The following ZNF385D variants were observed in gnomAD, a reference collection of about 807,000 sequenced individuals.
The protein encoded by ZNF385D is zinc finger protein 385D.
Under a neutral mutation model 35.8 loss-of-function variants are expected in ZNF385D, and 15 were observed. That is an observed-to-expected ratio of 0.42 (90% CI 0.28 to 0.64). ZNF385D has a LOEUF of 0.64. Ranked by LOEUF, ZNF385D falls within the 30% of genes least tolerant of loss-of-function variation. ZNF385D has a pLI of 0.23. For missense variants in ZNF385D, 474 were observed against 494.6 expected (o/e 0.96, Z 0.39); for synonymous variants, 212 against 186.8 (o/e 1.13, Z -1.10).
chr3:21,769,685 C>T (rs1320992152), intron 3 of ZNF385D, among the ~76,000 whole-genome samples: 2 of 127,826 alleles, frequency 1.6e-5, no homozygotes, highest in African/African-American at 3.2e-5. Context: ...AGATTCAATG[C>T]CATCCCCATC....
At chr3:21,985,661 T>C (rs1397458836) in intron 3 of ZNF385D, among the ~76,000 whole-genome samples, 1 of 144,220 alleles carries the variant, frequency 6.9e-6, no homozygotes, top group Admixed American at 6.8e-5. Flanking sequence ...GGCTTTGGTA[T>C]CAGGATGATG....
intron 3 of ZNF385D, among the ~76,000 whole-genome samples, chr3:21,908,164 A>ATCTC (rs201382336): frequency 0.02 from 3,018 of 148,808 alleles, 97 homozygotes; most frequent in East Asian, 0.042. Context: ...CTATCTATCT[A>ATCTC]TCTATCTATA....
chr3:22,270,629 A>T (rs1019969428), intron 2 of ZNF385D, among the ~76,000 whole-genome samples: 1 of 151,848 alleles, frequency 6.6e-6, no homozygotes, highest in Non-Finnish European at 1.5e-5. Context: ...AAGAAAGCAC[A>T]TAGAGGCTAT....
chr3:21,866,620 C>A (rs575601781), intron 3 of ZNF385D, among the ~76,000 whole-genome samples: 2 of 152,304 alleles, frequency 1.3e-5, no homozygotes, highest in South Asian at 4.1e-4. Context: ...AAGACATCTG[C>A]ATTTTCAACA....
chr3:22,237,989 G>T (rs1699285083), intron 2 of ZNF385D, among the ~76,000 whole-genome samples: 1 of 151,010 alleles, frequency 6.6e-6, no homozygotes, highest in Non-Finnish European at 1.5e-5. Flanking sequence ...CATATAGTCT[G>T]AGGTAGGGGT....
chr3:21,799,019 C>G (rs1356787168), intron 3 of ZNF385D, among the ~76,000 whole-genome samples: 1 of 152,168 alleles, frequency 6.6e-6, no homozygotes, highest in Non-Finnish European at 1.5e-5. Flanking sequence ...ATGGATTCAC[C>G]TATCCTGAAT....
upstream of ZNF385D, among the ~76,000 whole-genome samples, chr3:21,753,301 G>A (rs1363654895): frequency 1.4e-4 from 22 of 152,138 alleles, 1 homozygote; most frequent in Admixed American, 1.4e-3. Context: ...TTCTCCAACA[G>A]GTTTCCTTCT....
chr3:22,016,919 G>A (rs964213503), intron 3 of ZNF385D, among the ~76,000 whole-genome samples: 2 of 150,016 alleles, frequency 1.3e-5, no homozygotes, highest in Non-Finnish European at 3.0e-5. Context: ...TATCTATCCT[G>A]TCCATCCATC....
chr3:21,682,523 G>A (rs1559514778), intron 1 of ZNF385D, among the ~76,000 whole-genome samples: 2 of 150,250 alleles, frequency 1.3e-5, no homozygotes, highest in Non-Finnish European at 3.0e-5. Context: ...GATAGTTGCA[G>A]TCATGTCTGG....
chr3:21,729,891 G>T (rs2068919457), intron 1 of ZNF385D, among the ~76,000 whole-genome samples: 1 of 152,140 alleles, frequency 6.6e-6, no homozygotes, highest in African/African-American at 2.4e-5. Flanking sequence ...CTGCTGGAAT[G>T]CAGGAGCAAC....
chr3:21,424,319 T>TATATATA (rs1160001393), intron 6 of ZNF385D, among the ~76,000 whole-genome samples: 137 of 28,132 alleles, frequency 4.9e-3, no homozygotes, highest in African/African-American at 0.014. Flanking sequence ...ATATATATAT[T>TATATATA]TTTTTTTTTT....
rs1349810244 is a variant in ZNF385D, at chr3:22,100,419, A to G, written c.325+68398T>C. 2.7e-5 allele frequency among the ~76,000 whole-genome samples: 4 copies of G among 150,710 alleles called. No individual in the cohort carries two copies. The South Asian group carries it at 8.5e-4, about 32-fold the overall frequency. Reference sequence around the variant, plus strand: ...TGCGGCAGTATTCACAATAGCAAAGACTTGGAACCAACCCAAATGTCCAAC... The same window carrying G: ...TGCGGCAGTATTCACAATAGCAAAGGCTTGGAACCAACCCAAATGTCCAAC... On this transcript the variant is annotated intron_variant, in intron 3 of 5. Transcript: ENST00000494108.
intron 1 of ZNF385D, among the ~76,000 whole-genome samples, chr3:21,738,612 T>C (rs916746103): frequency 2.0e-5 from 3 of 152,186 alleles, no homozygotes; most frequent in Non-Finnish European, 4.4e-5. Context: ...TCTCAGGACC[T>C]GGGTTTTAAT....
At chr3:21,669,897 C>T (rs1453927451) in intron 1 of ZNF385D, among the ~76,000 whole-genome samples, 1 of 152,106 alleles carries the variant, frequency 6.6e-6, no homozygotes, top group Non-Finnish European at 1.5e-5. Flanking sequence ...TGAAATACTC[C>T]ATGAGAGTGC....
rs570306718 is a variant in ZNF385D at position 21,797,617 on chromosome 3, GATAA to G, written c.326-132593_326-132590del. ...CAAGCTGTTTTTACATAGGTGAATA[GATAA>G]ATAAACTGTGGTACATCCAGGCAAT... On this transcript the variant is annotated intron_variant, in intron 3 of 5. Coordinates refer to the ZNF385D transcript ENST00000494108. Among the ~76,000 whole-genome samples, 255 of 152,280 alleles carry G rather than the reference GATAA, an allele frequency of 1.7e-3. 1 individual carries two copies. The highest frequency in any genetic ancestry group is 5.3e-3 in the African/African-American group (222 of 41,568).
intron 2 of ZNF385D, among the ~76,000 whole-genome samples, chr3:22,192,691 T>C (rs551407753): frequency 2.6e-5 from 4 of 152,212 alleles, no homozygotes; most frequent in African/African-American, 7.2e-5. Context: ...CCTCAGCAAA[T>C]GCTTCCTAAC....
chr3:21,425,913 A>AT (rs1157619062), intron 5 of ZNF385D, among the ~76,000 whole-genome samples: 3 of 151,848 alleles, frequency 2.0e-5, no homozygotes, highest in South Asian at 4.2e-4. Context: ...TAAATTATTC[A>AT]TTTTTTTTCT....
intron 3 of ZNF385D, among the ~76,000 whole-genome samples, chr3:22,012,958 C>A (rs1410842067): frequency 6.6e-6 from 1 of 151,900 alleles, no homozygotes; most frequent in Non-Finnish European, 1.5e-5. Flanking sequence ...CTTCCCAAAT[C>A]CCATTAATAT....
At chr3:21,608,768 A>G (rs896861258) in intron 2 of ZNF385D, among the ~76,000 whole-genome samples, 6 of 152,188 alleles carry the variant, frequency 3.9e-5, no homozygotes, top group Non-Finnish European at 5.9e-5. Flanking sequence ...TTCGTCTACA[A>G]ATGAAAGTAG....
Sources: allele counts gnomAD v4.1 joint callset (sites outside exome capture counted in the v4.1 genomes callset), GRCh38; gene constraint gnomAD v4.1.1; transcripts MANE v1.5; gene names NCBI Gene and HGNC (gene_info 2026-07-23, HGNC 2026-07-21).